The following ARHGEF10L variants were observed in gnomAD, a reference collection of about 807,000 sequenced individuals.
ARHGEF10L encodes the protein Rho guanine nucleotide exchange factor 10 like, also known as rho guanine nucleotide exchange factor 10-like protein.
A neutral mutation model predicts 141.2 loss-of-function variants in ARHGEF10L; 69 were observed. The observed-to-expected ratio is 0.49, with a 90% confidence interval of 0.40 to 0.60. The LOEUF (loss-of-function observed/expected upper bound fraction) is 0.60. Ranked by LOEUF, ARHGEF10L falls within the 20% of genes least tolerant of loss-of-function variation. ARHGEF10L has a pLI of 0.00. For synonymous variants in ARHGEF10L, 711 were observed against 718.5 expected (o/e 0.99, Z 0.17); for missense variants, 1,482 against 1,734.3 (o/e 0.85, Z 2.58).
At chr1:17,643,658 GC>G (rs2061439621) in intron 21 of ARHGEF10L, among the ~76,000 whole-genome samples, 1 of 152,186 alleles carries the variant, frequency 6.6e-6, no homozygotes, top group African/African-American at 2.4e-5. Flanking sequence ...ACTCTGAGAT[GC>G]CTTGGATTTT....
At chr1:17,663,046 A>T (rs1311425519) in intron 25 of ARHGEF10L, among the ~76,000 whole-genome samples, 1 of 152,000 alleles carries the variant, frequency 6.6e-6, no homozygotes, top group Non-Finnish European at 1.5e-5. Context: ...CCCACCTGGC[A>T]CCCTGACAAG....
chr1:17,652,157 C>T (rs1456829309), intron 22 of ARHGEF10L, among the ~76,000 whole-genome samples: 1 of 152,202 alleles, frequency 6.6e-6, no homozygotes, highest in Non-Finnish European at 1.5e-5. Flanking sequence ...GAGTTGCTGG[C>T]CACAGTGTAG....
rs1158327047 is a variant in ARHGEF10L at position 17,600,977 on chromosome 1, G to A, written c.258-1150G>A. On this transcript the variant is annotated intron_variant, in intron 4 of 28. Coordinates refer to ENST00000361221, the MANE Select transcript of ARHGEF10L (RefSeq NM_018125.4). ...AGGTGGGAGGATTGCTTGAACCCGG[G>A]AGGCAGAGGTTGCAGTGAGCCGAGA... is the stretch of plus-strand genomic sequence containing the variant. Among the ~76,000 whole-genome samples, 3 of 150,718 alleles carry A rather than the reference G, an allele frequency of 2.0e-5. No homozygotes were observed. In the South Asian group the frequency reaches 6.3e-4, roughly 32 times the overall value.
At chr1:17,686,682 G>A (rs762705277) in intron 26 of ARHGEF10L, among the ~76,000 whole-genome samples, 1 of 152,194 alleles carries the variant, frequency 6.6e-6, no homozygotes, top group Non-Finnish European at 1.5e-5. Context: ...GGCCTGAAAC[G>A]TAGGGAGCCC....
At chr1:17,596,175 C>T (rs979913379) in intron 4 of ARHGEF10L, among the ~76,000 whole-genome samples, 6 of 152,206 alleles carry the variant, frequency 3.9e-5, no homozygotes, top group African/African-American at 1.2e-4. Flanking sequence ...CTTCTAGGGG[C>T]GCCCTGCTGA....
chr1:17,687,575 A>C lies in ARHGEF10L; in HGVS notation c.3012A>C (p.Gln1004His). 6.2e-7 allele frequency: 1 copy of C among 1,612,906 alleles called. No homozygotes were observed. The highest frequency in any genetic ancestry group is 2.2e-5 in the East Asian group (1 of 44,868). ...VLEATTLQPQ[Q>H]SFEAHQDEAV... is the part of the protein sequence containing the mutation. ...ACACTCCTCCCTTTGTGCCACAGCA[A>C]AGCTTCGAGGCGCACCAGGACGAGG... Residue 1004 changes from glutamine (Q) to histidine (H), a missense_variant and splice_region_variant, in exon 27 of 29, where the codon CAA becomes CAC. Transcript: ENST00000361221.
chr1:17,588,880 G>GTGTGTGTGTGTGTGTGTC (rs2079274313), intron 4 of ARHGEF10L, among the ~76,000 whole-genome samples: 49 of 74,528 alleles, frequency 6.6e-4, no homozygotes, highest in African/African-American at 3.0e-3. Flanking sequence ...GTGTGTGTGT[G>GTGTGTGTGTGTGTGTGTC]TGTGTGTGTG....
intron 26 of ARHGEF10L, among the ~76,000 whole-genome samples, chr1:17,684,133 G>A (rs554260023): frequency 6.6e-6 from 1 of 152,330 alleles, no homozygotes; most frequent in South Asian, 2.1e-4. Context: ...CTCGCCGACA[G>A]CAGGTGCTGA....
rs1032125410 is a variant in ARHGEF10L, at chr1:17,625,105, C to T, written c.1317+602C>T. ...TGCCGGCAGCACAGGTTAGATGCCA[C>T]GGCCTCAGTGGAGGAACCCACTGTC... On this transcript the variant is annotated intron_variant, in intron 13 of 28. Transcript: ENST00000361221. This position sits in a 1 kb window ranked among gnomAD's most constrained non-coding sequence, Gnocchi z 4.5. Among the ~76,000 whole-genome samples, 3 of 152,180 alleles carry T rather than the reference C, an allele frequency of 2.0e-5. No homozygotes were observed. The highest frequency in any genetic ancestry group is 4.4e-5 in the Non-Finnish European group (3 of 68,040).
At chr1:17,576,042 A>G (rs1350513585) in intron 1 of ARHGEF10L, among the ~76,000 whole-genome samples, 1 of 152,144 alleles carries the variant, frequency 6.6e-6, no homozygotes. Context: ...TGTTAGAGAA[A>G]GAGGCCGGCC....
chr1:17,534,246 C>T, the ARHGEF10L span, among the ~76,000 whole-genome samples: 3 of 152,076 alleles, frequency 2.0e-5, no homozygotes, highest in Non-Finnish European at 2.9e-5. Flanking sequence ...CCTCAGCCTC[C>T]GAAGTAGCTG....
chr1:17,643,334 C>T (rs967129905), intron 21 of ARHGEF10L, among the ~76,000 whole-genome samples: 2 of 152,076 alleles, frequency 1.3e-5, no homozygotes, highest in African/African-American at 2.4e-5. Context: ...GGGGAGCCTG[C>T]GATCTGGGAG....
At chr1:17,620,721 G>A (rs2060061719) in intron 10 of ARHGEF10L, among the ~76,000 whole-genome samples, 1 of 152,162 alleles carries the variant, frequency 6.6e-6, no homozygotes, top group Non-Finnish European at 1.5e-5. Flanking sequence ...CAGGACAGCT[G>A]TGGGGGTAGA....
chr1:17,546,487 G>A (rs571650093), intron 1 of ARHGEF10L, among the ~76,000 whole-genome samples: 15 of 152,186 alleles, frequency 9.9e-5, no homozygotes, highest in African/African-American at 3.4e-4. Context: ...CGATCTTATC[G>A]ATGAGGAAAT....
the ARHGEF10L span, among the ~76,000 whole-genome samples, chr1:17,531,443 C>T: frequency 5.9e-5 from 9 of 152,168 alleles, no homozygotes; most frequent in African/African-American, 9.7e-5. Context: ...TAAGCTTATC[C>T]GAAGGTCACA....
intron 1 of ARHGEF10L, among the ~76,000 whole-genome samples, chr1:17,545,926 C>T (rs2076899172): frequency 6.6e-6 from 1 of 152,126 alleles, no homozygotes; most frequent in African/African-American, 2.4e-5. Flanking sequence ...TTTCTCCACC[C>T]AGAAGGAATG....
At chr1:17,581,355 A>G (rs1048357980) in intron 2 of ARHGEF10L, among the ~76,000 whole-genome samples, 1 of 151,764 alleles carries the variant, frequency 6.6e-6, no homozygotes, top group Non-Finnish European at 1.5e-5. Context: ...AGAAAAATAC[A>G]TACTTATACT....
At position 17,603,625 on chromosome 1, in the gene ARHGEF10L, G is replaced by C; in HGVS notation, c.433+34G>C. 1 of 1,554,834 alleles carries C rather than the reference G, an allele frequency of 6.4e-7. No homozygotes were observed. The highest frequency in any genetic ancestry group is 8.7e-7 in the Non-Finnish European group (1 of 1,143,048). ...TCTGCAGTGCTTCCCTGTTTCTCTT[G>C]GGGACAGGGGAGGGAGGCTGGGACT... On this transcript the variant is annotated intron_variant, in intron 6 of 28. Coordinates refer to ENST00000361221, the MANE Select transcript of ARHGEF10L (RefSeq NM_018125.4). The surrounding 1 kb of genome is among the most constrained non-coding windows in gnomAD (Gnocchi z 4.8).
At chr1:17,515,908 A>T in the ARHGEF10L span, among the ~76,000 whole-genome samples, 1 of 152,182 alleles carries the variant, frequency 6.6e-6, no homozygotes, top group East Asian at 1.9e-4. Context: ...AAATGCTGGG[A>T]TTACAAGTGT....
Sources: allele counts gnomAD v4.1 joint callset (sites outside exome capture counted in the v4.1 genomes callset), GRCh38; gene constraint gnomAD v4.1.1; non-coding constraint Gnocchi (gnomAD v3.1); transcripts MANE v1.5; gene names NCBI Gene and HGNC (gene_info 2026-07-23, HGNC 2026-07-21).